TECPR2: variants seen among roughly 807,000 people sequenced by gnomAD.
The protein encoded by TECPR2 is tectonin beta-propeller repeat-containing protein 2.
A neutral mutation model predicts 138.1 loss-of-function variants in TECPR2; 65 were observed. That is an observed-to-expected ratio of 0.47 (90% CI 0.39 to 0.58). TECPR2 has a LOEUF of 0.58. Among genes scored for constraint, TECPR2 ranks in the 20% least tolerant of loss-of-function variants. TECPR2 has a pLI of 0.00. For synonymous variants in TECPR2, 746 were observed against 749.8 expected, an observed-to-expected ratio of 0.99 and a Z score of 0.08; for missense variants, 1,553 against 1,824.5, an observed-to-expected ratio of 0.85 and a Z score of 2.71.
At chr14:102,423,741 TTTTG>T (rs1388040116) in intron 5 of TECPR2, among the ~76,000 whole-genome samples, 2 of 152,224 alleles carry the variant, frequency 1.3e-5, no homozygotes, top group Non-Finnish European at 2.9e-5. Flanking sequence ...TAGCATATTC[TTTTG>T]TTTGTGTCAG....
At chr14:102,395,690 C>T (rs1597782056) in intron 2 of TECPR2, among the ~76,000 whole-genome samples, 1 of 152,186 alleles carries the variant, frequency 6.6e-6, no homozygotes, top group East Asian at 1.9e-4. Flanking sequence ...CCCATCGACT[C>T]AGGAGGCTGA....
intron 2 of TECPR2, among the ~76,000 whole-genome samples, chr14:102,383,414 G>GTT (rs1445725833): frequency 1.4e-5 from 2 of 143,000 alleles, no homozygotes; most frequent in African/African-American, 2.5e-5. Context: ...TGTTTTTTTT[G>GTT]TTTTTTTTTT....
Position 102,452,526 on chromosome 14 carries a change from C to T in TECPR2, c.3539C>T (p.Ala1180Val), listed in dbSNP as rs142102340. 5.0e-6 allele frequency: 8 copies of T among 1,611,714 alleles called. No individual in the cohort carries two copies. Among genetic ancestry groups the T allele is most frequent in the East Asian group, 2.2e-5 (1 of 44,828 alleles). The change falls in exon 16 of 20, where the codon GCG becomes GTG. Residue 1180 changes from alanine (A) to valine (V), a missense_variant. Ala to Val is a moderately conservative substitution (Grantham distance 64). Coordinates refer to ENST00000359520, the MANE Select transcript of TECPR2 (RefSeq NM_014844.5). ...CGCGCCTATGCCGCCTGCCAGGATG[C>T]GCTGTGGGCGCTGGACAGCCTCGGC... ...EMRAYAACQD[A>V]LWALDSLGQV...
chr14:102,387,132 G>C (rs772999538), intron 2 of TECPR2, among the ~76,000 whole-genome samples: 2 of 152,200 alleles, frequency 1.3e-5, no homozygotes, highest in African/African-American at 4.8e-5. Flanking sequence ...ATAAATCCAT[G>C]TATGGCATGA....
intron 17 of TECPR2, among the ~76,000 whole-genome samples, chr14:102,470,639 CTT>C (rs200949179): frequency 1.3e-4 from 18 of 135,978 alleles, no homozygotes; most frequent in Admixed American, 3.0e-4. Context: ...TCTTCTTCTT[CTT>C]TTTTTTTTTT....
chr14:102,416,200 C>A (rs1889020631), intron 5 of TECPR2, among the ~76,000 whole-genome samples: 1 of 152,128 alleles, frequency 6.6e-6, no homozygotes, highest in African/African-American at 2.4e-5. Context: ...TGGCTCACTG[C>A]AACATCTGCC....
Position 102,499,280 on chromosome 14 carries a change from C to G in TECPR2, c.*1023C>G. 1.6e-6 allele frequency: 1 copy of G among 642,008 alleles called. No homozygotes were observed. The highest frequency in any genetic ancestry group is 2.7e-5 in the East Asian group (1 of 36,476). 39.8% of individuals were successfully genotyped at this position (642,008 alleles called of 1,614,324 possible). ...AATGCTGCTGGCGGACATCCTAAAA[C>G]CAGATGCATCCTCAGAGGACGAGTC... On this transcript the variant is annotated 3_prime_UTR_variant, in exon 20 of 20. Transcript: ENST00000359520.
At chr14:102,409,436 A>G (rs920999234) in intron 4 of TECPR2, among the ~76,000 whole-genome samples, 1 of 151,872 alleles carries the variant, frequency 6.6e-6, no homozygotes, top group Non-Finnish European at 1.5e-5. Context: ...AGTAGCTGGG[A>G]TTACAGGGAC....
chr14:102,485,685 G>T (rs1288516404), intron 17 of TECPR2, among the ~76,000 whole-genome samples: 1 of 152,158 alleles, frequency 6.6e-6, no homozygotes, highest in South Asian at 2.1e-4. Context: ...AACCATGAGC[G>T]GCAGGAAGGG....
At chr14:102,468,246 G>C (rs1164797797) in intron 17 of TECPR2, among the ~76,000 whole-genome samples, 1 of 152,164 alleles carries the variant, frequency 6.6e-6, no homozygotes, top group Non-Finnish European at 1.5e-5. Flanking sequence ...GGAGTGCAGT[G>C]GCATGATCTC....
At chr14:102,396,493 T>C (rs971694808) in intron 2 of TECPR2, among the ~76,000 whole-genome samples, 1 of 152,208 alleles carries the variant, frequency 6.6e-6, no homozygotes, top group African/African-American at 2.4e-5. Context: ...TTTTTGTTTT[T>C]TTGTGTTTTC....
intron 2 of TECPR2, among the ~76,000 whole-genome samples, chr14:102,381,982 T>G (rs1433152564): frequency 6.6e-6 from 1 of 152,208 alleles, no homozygotes; most frequent in Non-Finnish European, 1.5e-5. Context: ...ACAATATTGA[T>G]TCTAAGTAGA....
At chr14:102,472,813 G>A (rs1276262626) in intron 17 of TECPR2, among the ~76,000 whole-genome samples, 3 of 152,244 alleles carry the variant, frequency 2.0e-5, no homozygotes, top group Non-Finnish European at 4.4e-5. Context: ...ACTCTGGTGT[G>A]TGCCAAGCCC....
At chr14:102,451,179 C>T (rs1475421990) in intron 15 of TECPR2, among the ~76,000 whole-genome samples, 1 of 152,210 alleles carries the variant, frequency 6.6e-6, no homozygotes, top group Non-Finnish European at 1.5e-5. Context: ...GGAGCCAGGG[C>T]ACCAGAGGGT....
chr14:102,403,095 C>T (rs550157622), intron 2 of TECPR2, among the ~76,000 whole-genome samples: 5 of 152,096 alleles, frequency 3.3e-5, no homozygotes, highest in Non-Finnish European at 7.4e-5. Flanking sequence ...AAGAAAAATA[C>T]ACATCAGTAT....
At chr14:102,383,883 C>T (rs1489610488) in intron 2 of TECPR2, among the ~76,000 whole-genome samples, 3 of 151,094 alleles carry the variant, frequency 2.0e-5, no homozygotes, top group East Asian at 1.9e-4. Flanking sequence ...ATCTTTGTTT[C>T]GTTTTCCTTT....
rs754819724 is a variant in TECPR2 at position 102,434,348 on chromosome 14, G to A, written c.1531G>A (p.Val511Ile). ...NTDLLSMTSSVLGSSVDQLSA... is the reference protein window; with the variant it reads ...NTDLLSMTSSILGSSVDQLSA... ...AGACTTGCTGTCGATGACCTCAAGT[G>A]TCCTGGGCAGTAGCGTGGATCAGTT... The change falls in exon 9 of 20, where the codon GTC (valine) becomes ATC (isoleucine). Residue 511 changes from valine (V) to isoleucine (I), a missense_variant. Physicochemically the swap from Val to Ile is conservative, Grantham distance 29. Transcript: ENST00000359520. The A allele has an allele frequency of 2.7e-6, 4 of 1,501,900 alleles. No individual in the cohort carries two copies. The highest frequency in any genetic ancestry group is 1.4e-5 in the South Asian group (1 of 69,504). The allele number at this position is 1,501,900 out of a possible 1,614,324, so 93.0% of individuals were successfully genotyped here.
At chr14:102,438,367 G>A in intron 10 of TECPR2, 162 bp downstream of exon 10, 3 of 836,008 alleles carry the variant, frequency 3.6e-6, no homozygotes, top group East Asian at 5.8e-5. Context: ...CGTTTGAGGG[G>A]TTGTCTCCAA....
intron 10 of TECPR2, among the ~76,000 whole-genome samples, chr14:102,439,481 T>G (rs1216205150): frequency 6.6e-6 from 1 of 152,238 alleles, no homozygotes; most frequent in Non-Finnish European, 1.5e-5. Flanking sequence ...CTCCACAAGC[T>G]GTCATTACAC....
Sources: allele counts gnomAD v4.1 joint callset (sites outside exome capture counted in the v4.1 genomes callset), GRCh38; gene constraint gnomAD v4.1.1; transcripts MANE v1.5; gene names NCBI Gene and HGNC (gene_info 2026-07-23, HGNC 2026-07-21).